The following LPO variants were observed in gnomAD, a reference collection of about 807,000 sequenced individuals.
The protein encoded by LPO is lactoperoxidase.
LPO carries 70 observed loss-of-function variants against 68.4 expected under a neutral mutation model. The ratio of observed to expected loss-of-function variants is 1.02; its 90% confidence interval spans 0.84 to 1.25. The LOEUF is 1.25. Among genes scored for constraint, LPO ranks in the 50% most tolerant of loss-of-function variants. LPO has a pLI of 0.00. For missense variants in LPO, 873 were observed against 908.4 expected (o/e 0.96, Z 0.50); for synonymous variants, 360 against 357.6 (o/e 1.01, Z -0.08).
intron 1 of LPO, 67 bp from the exon 2 acceptor site, chr17:58,242,911 C>T: frequency 7.3e-7 from 1 of 1,374,526 alleles, no homozygotes; most frequent in South Asian, 1.2e-5. Context: ...TCTCTGCTTT[C>T]TGTGGTTCAA....
At chr17:58,267,749 G>A (rs532645999) in intron 12 of LPO, 38 bp from the exon 13 acceptor site, 25 of 1,589,982 alleles carry the variant, frequency 1.6e-5, no homozygotes, top group East Asian at 4.5e-5. Flanking sequence ...AGGGGCCAGC[G>A]GCCAGACTGT....
chr17:58,249,562 T>G lies in LPO; in HGVS notation c.444-4T>G, dbSNP rs1969917373. The G allele has an allele frequency of 6.2e-7, 1 of 1,603,706 alleles. No individual in the cohort carries two copies. The highest frequency in any genetic ancestry group is 1.1e-5 in the South Asian group (1 of 90,906). ...AAGCTCAGCGAGGATCGTGCTGGTT[T>G]CAGGAGGAAGCCTGCGCTGGGCGCC... is the stretch of plus-strand genomic sequence containing the variant. On this transcript the variant is annotated splice_polypyrimidine_tract_variant and splice_region_variant and intron_variant, in intron 5 of 12. Transcript: ENST00000262290.
chr17:58,265,071 CATGACCTTGGGCAA>C, intron 10 of LPO, 97 bp downstream of exon 10: 1 of 1,512,174 alleles, frequency 6.6e-7, no homozygotes, highest in Non-Finnish European at 9.0e-7. Context: ...AGCACTTTTA[CATGACCTTGGGCAA>C]ATGAATTCAC....
In LPO at chr17:58,254,839, G is replaced by C; in HGVS notation, c.1134G>C (p.Leu378=). 1 of 1,614,070 alleles carries C rather than the reference G, an allele frequency of 6.2e-7. No homozygotes were observed. Among genetic ancestry groups the C allele is most frequent in the Non-Finnish European group, 8.5e-7 (1 of 1,179,988 alleles). Residue 378 remains leucine, a synonymous_variant, in exon 9 of 13, where the codon CTG becomes CTC. Transcript: ENST00000262290. The part of the protein sequence containing the change: ...AGDSRASEHI[L]LATSHTLFLR... Reference sequence around the variant, plus strand: ...ATTCTCGAGCCTCAGAGCATATTCTGCTGGCCACATCCCACACCCTCTTTC... The same window carrying C: ...ATTCTCGAGCCTCAGAGCATATTCTCCTGGCCACATCCCACACCCTCTTTC...
At chr17:58,247,917 G>A (rs145487284) in intron 4 of LPO, among the ~76,000 whole-genome samples, 50 of 152,308 alleles carry the variant, frequency 3.3e-4, no homozygotes, top group African/African-American at 1.2e-3. Flanking sequence ...GTATAACACC[G>A]TCTGTAAGGC....
rs1969941453 is a variant in LPO at position 58,250,606 on chromosome 17, C to G, written c.765C>G (p.Asn255Lys). The change falls in exon 7 of 13, where the codon AAC (asparagine) becomes AAG (lysine). Residue 255 changes from asparagine (N) to lysine (K), a missense_variant. Transcript: ENST00000262290. The stretch of plus-strand genomic sequence containing the variant: ...ATGAGTACTGTATCCAGGGAGACAA[C>G]TGCTTCCCCATCATGGTACGGCCCT... ...QCDEYCIQGD[N>K]CFPIMFPPND... The G allele has an allele frequency of 1.2e-6, 2 of 1,613,980 alleles. No homozygotes were observed. The highest frequency in any genetic ancestry group is 1.7e-6 in the Non-Finnish European group (2 of 1,180,024).
At chr17:58,243,535 C>T (rs1969797065) in intron 2 of LPO, 2 of 225,880 alleles carry the variant, frequency 8.9e-6, no homozygotes, top group Non-Finnish European at 1.7e-5. Context: ...AGATCCTGTC[C>T]TCCATGCTCC....
chr17:58,250,281 A>T, intron 6 of LPO, 134 bp from the exon 7 acceptor site: 1 of 727,216 alleles, frequency 1.4e-6, no homozygotes, highest in Non-Finnish European at 2.4e-6. Context: ...GGCTAATGCC[A>T]CCCACCTCAC....
chr17:58,256,990 CTTTTTTTTT>C (rs1040765289), intron 9 of LPO, among the ~76,000 whole-genome samples: 1 of 75,040 alleles, frequency 1.3e-5, no homozygotes, highest in African/African-American at 5.9e-5. Context: ...AGGTCTTACT[CTTTTTTTTT>C]TTTTTTTTTT....
chr17:58,259,351 T>C (rs185338618), intron 9 of LPO, among the ~76,000 whole-genome samples: 3 of 152,308 alleles, frequency 2.0e-5, no homozygotes, highest in Non-Finnish European at 4.4e-5. Context: ...GAAAGGCTAT[T>C]GTTTCTCCAT....
At chr17:58,267,634 G>C (rs774153883) in intron 12 of LPO, 48 bp downstream of exon 12, 1 of 1,541,996 alleles carries the variant, frequency 6.5e-7, no homozygotes, top group Non-Finnish European at 8.8e-7. Context: ...CCTTCTCCAA[G>C]AGGGGTGTCC....
chr17:58,266,903 A>G (rs1425825413), intron 11 of LPO, among the ~76,000 whole-genome samples: 2 of 152,236 alleles, frequency 1.3e-5, no homozygotes, highest in Admixed American at 6.5e-5. Context: ...AACAGTTTAA[A>G]AGCCCTGAAA....
chr17:58,240,565 G>T (rs970335417), intron 1 of LPO, among the ~76,000 whole-genome samples: 1 of 152,002 alleles, frequency 6.6e-6, no homozygotes, highest in African/African-American at 2.4e-5. Flanking sequence ...GTTCATACCC[G>T]TCCCTCACAC....
At chr17:58,267,692 T>C (rs904409055) in intron 12 of LPO, 95 bp from the exon 13 acceptor site, 21 of 1,466,410 alleles carry the variant, frequency 1.4e-5, no homozygotes, top group Admixed American at 5.3e-5. Flanking sequence ...TGAGTAGGGC[T>C]TTTCATGGTC....
chr17:58,254,669 T>G, intron 8 of LPO, 142 bp from the exon 9 acceptor site: 1 of 702,476 alleles, frequency 1.4e-6, no homozygotes, highest in Non-Finnish European at 2.3e-6. Context: ...CCCATCCCTA[T>G]TCACCTGACG....
chr17:58,252,641 CTAG>C (rs1969984137), intron 8 of LPO, 135 bp downstream of exon 8: 1 of 814,458 alleles, frequency 1.2e-6, no homozygotes, highest in South Asian at 1.8e-5. Flanking sequence ...TGGTCCAGGA[CTAG>C]CAGAAGGGCC....
At chr17:58,256,639 C>T (rs148515037) in intron 9 of LPO, among the ~76,000 whole-genome samples, 5,876 of 151,828 alleles carry the variant, frequency 0.039, 383 homozygotes, top group African/African-American at 0.13. Context: ...CATGGTGAAA[C>T]CTTGTCTCTA....
Position 58,252,272 on chromosome 17 carries a change from TC to T in LPO, c.874del (p.Leu292TrpfsTer9). The T allele has an allele frequency of 6.2e-7, 1 of 1,614,096 alleles. No homozygotes were observed. Among genetic ancestry groups the T allele is most frequent in the Non-Finnish European group, 8.5e-7 (1 of 1,180,002 alleles). ...CGTCTGCCCCACTCCACCCTACAAGTCCCTGGCCCGAGAGCAGATCAACGCT... is the reference window on the plus strand; with the variant it reads ...CGTCTGCCCCACTCCACCCTACAAGTCCTGGCCCGAGAGCAGATCAACGCT... ...GFVCPTPPYK[S>X]LAREQINALT... On this transcript the variant is annotated frameshift_variant, in exon 8 of 13. Transcript: ENST00000262290. LOFTEE classifies it high-confidence loss of function.
chr17:58,261,428 C>T (rs183328230), intron 9 of LPO, among the ~76,000 whole-genome samples: 1 of 152,010 alleles, frequency 6.6e-6, no homozygotes, highest in Non-Finnish European at 1.5e-5. Flanking sequence ...AATATAGTCA[C>T]CCCTGCTTTT....
Sources: allele counts gnomAD v4.1 joint callset (sites outside exome capture counted in the v4.1 genomes callset), GRCh38; gene constraint gnomAD v4.1.1; transcripts MANE v1.5; gene names NCBI Gene and HGNC (gene_info 2026-07-23, HGNC 2026-07-21).